Variants in NEUROD6 observed in about 807,000 individuals in gnomAD.
The protein encoded by NEUROD6 is neurogenic differentiation factor 6.
In NEUROD6, 5 loss-of-function variants were observed where a neutral mutation model predicts 24.1. That is an observed-to-expected ratio of 0.21 (90% confidence interval 0.11 to 0.44). NEUROD6 has a LOEUF of 0.44. NEUROD6 is among the 20% of genes least tolerant of loss of function. NEUROD6 has a pLI of 0.99. For synonymous variants in NEUROD6, 182 were observed against 154.1 expected, an observed-to-expected ratio of 1.18 and a Z score of -1.34; for missense variants, 325 against 409.5, an observed-to-expected ratio of 0.79 and a Z score of 1.78.
At chr7:31,339,916 C>T (rs1174327003) in intron 1 of NEUROD6, among the ~76,000 whole-genome samples, 1 of 152,036 alleles carries the variant, frequency 6.6e-6, no homozygotes, top group Admixed American at 6.5e-5. Flanking sequence ...TGTAAAAGGG[C>T]ACTATTTTCC....
At position 31,338,680 on chromosome 7, in the gene NEUROD6, C is replaced by T; in HGVS notation, c.589G>A (p.Ala197Thr). The T allele has an allele frequency of 6.2e-7, 1 of 1,614,014 alleles. No homozygotes were observed. The highest frequency in any genetic ancestry group is 1.1e-5 in the South Asian group (1 of 91,068). Reference sequence around the variant, plus strand: ...GAGTAGGGTGACCTTGTGTGGTGTGCAGCCTCCCCACCCTGACCCATCAGG... The same window carrying T: ...GAGTAGGGTGACCTTGTGTGGTGTGTAGCCTCCCCACCCTGACCCATCAGG... ...SFLMGQGGEA[A>T]HHTRSPYSTF... Residue 197 changes from alanine to threonine, a missense_variant, in exon 2 of 2, where the codon GCA becomes ACA. Physicochemically the swap from Ala to Thr is moderately conservative, Grantham distance 58 (BLOSUM62 0). This residue lies in a region of NEUROD6 where 175 missense variants were observed against 201.3 expected (regional missense o/e 0.87). Coordinates refer to ENST00000297142, the MANE Select transcript of NEUROD6 (RefSeq NM_022728.4). This position sits in a 1 kb window ranked among gnomAD's most constrained non-coding sequence, Gnocchi z 5.1.
intron 1 of NEUROD6, 30 bp from the exon 2 acceptor site, chr7:31,339,319 A>G (rs2233404): frequency 0.34 from 511,388 of 1,506,784 alleles, 90,061 homozygotes; most frequent in Middle Eastern, 0.47. Context: ...ATATTTAAAG[A>G]GTTTTCATTT....
Position 31,338,281 on chromosome 7 carries a change from C to T in NEUROD6, c.988G>A (p.Glu330Lys). The T allele has an allele frequency of 1.9e-6, 3 of 1,612,934 alleles. No homozygotes were observed. Among genetic ancestry groups the T allele is most frequent in the Non-Finnish European group, 2.5e-6 (3 of 1,179,124 alleles). The change falls in exon 2 of 2, where the codon GAA (glutamate) becomes AAA (lysine). Residue 330 changes from glutamate (E) to lysine (K), a missense_variant. Glu to Lys is a moderately conservative substitution (Grantham distance 56). Coordinates refer to ENST00000297142, the MANE Select transcript of NEUROD6 (RefSeq NM_022728.4). The surrounding 1 kb of genome is among the most constrained non-coding windows in gnomAD (Gnocchi z 5.1). ...TAATTATGAAAAACTGCATTTAATTCATCTTGCATTGTGAGAGATTGGCTG... is the reference window on the plus strand; with the variant it reads ...TAATTATGAAAAACTGCATTTAATTTATCTTGCATTGTGAGAGATTGGCTG... ...LRSQSLTMQD[E>K]LNAVFHN
chr7:31,338,243 T>C lies in NEUROD6; in HGVS notation c.*12A>G. ...GGAGGTGAATGACCACTGTTTATTT[T>C]CATTTTCCTCATTAATTATGAAAAA... On this transcript the variant is annotated 3_prime_UTR_variant, in exon 2 of 2. Coordinates refer to ENST00000297142, the MANE Select transcript of NEUROD6 (RefSeq NM_022728.4). This position sits in a 1 kb window ranked among gnomAD's most constrained non-coding sequence, Gnocchi z 5.1. 6.2e-7 allele frequency: 1 copy of C among 1,608,698 alleles called. No homozygotes were observed. Among genetic ancestry groups the C allele is most frequent in the Non-Finnish European group, 8.5e-7 (1 of 1,175,496 alleles).
rs1250574538 is a variant in NEUROD6, at chr7:31,338,609, T to C, written c.660A>G (p.Pro220=). The change falls in exon 2 of 2, where the codon CCA becomes CCG. Residue 220 remains proline (P), a synonymous_variant. Transcript: ENST00000297142. The surrounding 1 kb of genome is among the most constrained non-coding windows in gnomAD (Gnocchi z 5.1). ...TGGAATTATCAAGAGTCCCATGCCC[T>C]GGGGGAGTGGTGAGCTCAGGGCTGT... ...PYHSPELTTP[P]GHGTLDNSKS... The C allele has an allele frequency of 6.2e-7, 1 of 1,613,992 alleles. No homozygotes were observed. Among genetic ancestry groups the C allele is most frequent in the South Asian group, 1.1e-5 (1 of 91,068 alleles).
chr7:31,338,341 T>A lies in NEUROD6; in HGVS notation c.928A>T (p.Thr310Ser). The A allele has an allele frequency of 1.2e-6, 2 of 1,614,186 alleles. No homozygotes were observed. The highest frequency in any genetic ancestry group is 1.7e-6 in the Non-Finnish European group (2 of 1,180,030). The change falls in exon 2 of 2, where the codon ACC becomes TCC. Residue 310 changes from threonine (T) to serine (S), a missense_variant. Physicochemically the swap from Thr to Ser is moderately conservative, Grantham distance 58. Transcript: ENST00000297142. This position sits in a 1 kb window ranked among gnomAD's most constrained non-coding sequence, Gnocchi z 5.1. ...LGQGAMFRLP[T>S]DSHFPYDLHL... ...AAGTCGTAAGGGAAGTGGCTGTCGG[T>A]GGGCAACCTGAACATGGCACCCTGC...
chr7:31,339,308 A>G lies in NEUROD6; in HGVS notation c.-21-19T>C, dbSNP rs1783100523. ...AAATTACCTGAAAAAATGCCAGCAC[A>G]ATATTTAAAGAGTTTTCATTTTTAA... On this transcript the variant is annotated intron_variant, in intron 1 of 1. Coordinates refer to ENST00000297142, the MANE Select transcript of NEUROD6 (RefSeq NM_022728.4). 1.9e-6 allele frequency: 3 copies of G among 1,544,038 alleles called. No individual in the cohort carries two copies. The highest frequency in any genetic ancestry group is 2.6e-6 in the Non-Finnish European group (3 of 1,150,484).
Position 31,338,437 on chromosome 7 carries a change from T to C in NEUROD6, c.832A>G (p.Thr278Ala). ...NGIFSLKQEE[T>A]LDYGKNYNYG... ...TTGTAATTTTTACCATAGTCCAAGG[T>C]TTCTTCTTGCTTCAGGGAAAATATC... Residue 278 changes from threonine (T) to alanine (A), a missense_variant, in exon 2 of 2, where the codon ACC (threonine) becomes GCC (alanine). Thr to Ala is a moderately conservative substitution (Grantham distance 58). This residue lies in a region of NEUROD6 where 175 missense variants were observed against 201.3 expected (regional missense o/e 0.87). Transcript: ENST00000297142. This position sits in a 1 kb window ranked among gnomAD's most constrained non-coding sequence, Gnocchi z 5.1. The C allele has an allele frequency of 6.2e-7, 1 of 1,614,026 alleles. No individual in the cohort carries two copies. Among genetic ancestry groups the C allele is most frequent in the Non-Finnish European group, 8.5e-7 (1 of 1,179,988 alleles).
rs1451088527 is a variant in NEUROD6 at position 31,338,927 on chromosome 7, C to T, written c.342G>A (p.Leu114=). Residue 114 remains leucine, a synonymous_variant, in exon 2 of 2, where the codon CTG becomes CTA. Coordinates refer to ENST00000297142, the MANE Select transcript of NEUROD6 (RefSeq NM_022728.4). The surrounding 1 kb of genome is among the most constrained non-coding windows in gnomAD (Gnocchi z 5.1). ...RNRMHGLNDA[L]DNLRKVVPCY... ...AGGGGACCACTTTTCTTAAGTTGTC[C>T]AGAGCGTCGTTGAGGCCGTGCATCC... 6.2e-7 allele frequency: 1 copy of T among 1,614,122 alleles called. No individual in the cohort carries two copies. Among genetic ancestry groups the T allele is most frequent in the Non-Finnish European group, 8.5e-7 (1 of 1,180,044 alleles).
rs776661789 is a variant in NEUROD6 at position 31,339,254 on chromosome 7, C to T, written c.15G>A (p.Pro5=). The change falls in exon 2 of 2, where the codon CCG becomes CCA. Residue 5 remains proline (P), a synonymous_variant. Transcript: ENST00000297142. MLTL[P]FDESVVMPES... The stretch of plus-strand genomic sequence containing the variant: ...CTGGCATTACAACAGACTCATCAAA[C>T]GGTAGTGTTAACATGGTTCTCTAAT... The T allele has an allele frequency of 3.7e-6, 6 of 1,608,964 alleles. No individual in the cohort carries two copies. Among genetic ancestry groups the T allele is most frequent in the Non-Finnish European group, 5.1e-6 (6 of 1,178,178 alleles).
Position 31,338,559 on chromosome 7 carries a change from C to T in NEUROD6, c.710G>A (p.Cys237Tyr). ...TTCATAGAAGGATTCATACGCACTG[C>T]AATAATTGTAGGGTTTCATGGACTT... ...NSKSMKPYNY[C>Y]SAYESFYEST... The change falls in exon 2 of 2, where the codon TGC becomes TAC. Residue 237 changes from cysteine (C) to tyrosine (Y), a missense_variant. By Grantham distance (194) the Cys-to-Tyr change is radical. Coordinates refer to ENST00000297142, the MANE Select transcript of NEUROD6 (RefSeq NM_022728.4). This position sits in a 1 kb window ranked among gnomAD's most constrained non-coding sequence, Gnocchi z 5.1. The T allele has an allele frequency of 1.2e-6, 2 of 1,614,114 alleles. No individual in the cohort carries two copies. The highest frequency in any genetic ancestry group is 1.7e-6 in the Non-Finnish European group (2 of 1,180,012).
chr7:31,340,168 G>T (rs1783107899), intron 1 of NEUROD6, among the ~76,000 whole-genome samples: 1 of 152,136 alleles, frequency 6.6e-6, no homozygotes, highest in Non-Finnish European at 1.5e-5. Flanking sequence ...GCTAATATCT[G>T]ACAGGAACGG....
Position 31,338,330 on chromosome 7 carries a change from G to C in NEUROD6, c.939C>G (p.His313Gln). 6.2e-7 allele frequency: 1 copy of C among 1,614,174 alleles called. No individual in the cohort carries two copies. The highest frequency in any genetic ancestry group is 8.5e-7 in the Non-Finnish European group (1 of 1,180,024). Residue 313 changes from histidine to glutamine, a missense_variant, in exon 2 of 2, where the codon CAC (histidine) becomes CAG (glutamine). His to Gln is a conservative substitution (Grantham distance 24). This residue lies in a region of NEUROD6 where 175 missense variants were observed against 201.3 expected (regional missense o/e 0.87). Coordinates refer to ENST00000297142, the MANE Select transcript of NEUROD6 (RefSeq NM_022728.4). This position sits in a 1 kb window ranked among gnomAD's most constrained non-coding sequence, Gnocchi z 5.1. Reference sequence around the variant, plus strand: ...TGCGCAGATGTAAGTCGTAAGGGAAGTGGCTGTCGGTGGGCAACCTGAACA... The same window carrying C: ...TGCGCAGATGTAAGTCGTAAGGGAACTGGCTGTCGGTGGGCAACCTGAACA... ...GAMFRLPTDSHFPYDLHLRSQ... is the reference protein window; with the variant it reads ...GAMFRLPTDSQFPYDLHLRSQ...
Position 31,339,389 on chromosome 7 carries a change from T to G in NEUROD6, c.-21-100A>C. On this transcript the variant is annotated intron_variant, in intron 1 of 1. Transcript: ENST00000297142. The stretch of plus-strand genomic sequence containing the variant: ...TTAATCATAAGATTACAAAAACACG[T>G]GAAAAAGACTGATTCTGGGCCTGAT... 5 of 930,136 alleles carry G rather than the reference T, an allele frequency of 5.4e-6. 1 individual carries two copies. In the South Asian group the frequency reaches 1.3e-4, roughly 23 times the overall value. The allele number at this position is 930,136 out of a possible 1,614,324, so 57.6% of individuals were successfully genotyped here.
At chr7:31,339,355 T>A in intron 1 of NEUROD6, 66 bp from the exon 2 acceptor site, 1 of 1,200,066 alleles carries the variant, frequency 8.3e-7, no homozygotes. Context: ...TTAAAACATA[T>A]TTAATTATTT....
Position 31,338,252 on chromosome 7 carries a change from T to TC in NEUROD6, c.*2dup, listed in dbSNP as rs764943933. On this transcript the variant is annotated 3_prime_UTR_variant, in exon 2 of 2. Coordinates refer to ENST00000297142, the MANE Select transcript of NEUROD6 (RefSeq NM_022728.4). The surrounding 1 kb of genome is among the most constrained non-coding windows in gnomAD (Gnocchi z 5.1). Reference sequence around the variant, plus strand: ...TGACCACTGTTTATTTTCATTTTCCTCATTAATTATGAAAAACTGCATTTA... The same window carrying TC: ...TGACCACTGTTTATTTTCATTTTCCTCCATTAATTATGAAAAACTGCATTTA... 4 of 1,610,244 alleles carry TC rather than the reference T, an allele frequency of 2.5e-6. No individual in the cohort carries two copies. The African/African-American group carries it at 5.3e-5, about 22-fold the overall frequency.
chr7:31,338,469 T>C lies in NEUROD6; in HGVS notation c.800A>G (p.Tyr267Cys). ...EGPLSPPPIN[Y>C]NGIFSLKQEE... Reference sequence around the variant, plus strand: ...TTGCTTCAGGGAAAATATCCCATTATAGTTAATTGGGGGAGGACTTAAGGG... The same window carrying C: ...TTGCTTCAGGGAAAATATCCCATTACAGTTAATTGGGGGAGGACTTAAGGG... Residue 267 changes from tyrosine to cysteine, a missense_variant, in exon 2 of 2, where the codon TAT (tyrosine) becomes TGT (cysteine). Around this residue, in one of 3 missense-constraint regions of NEUROD6, gnomAD observed 175 missense variants for 201.3 expected, o/e 0.87. Coordinates refer to ENST00000297142, the MANE Select transcript of NEUROD6 (RefSeq NM_022728.4). This position sits in a 1 kb window ranked among gnomAD's most constrained non-coding sequence, Gnocchi z 5.1. The C allele has an allele frequency of 6.2e-7, 1 of 1,613,698 alleles. No homozygotes were observed. The highest frequency in any genetic ancestry group is 1.1e-5 in the South Asian group (1 of 91,072).
chr7:31,338,430 T>C lies in NEUROD6; in HGVS notation c.839A>G (p.Asp280Gly). ...IFSLKQEETL[D>G]YGKNYNYGMH... ...GCCGTAATTGTAATTTTTACCATAG[T>C]CCAAGGTTTCTTCTTGCTTCAGGGA... is the stretch of plus-strand genomic sequence containing the variant. The change falls in exon 2 of 2, where the codon GAC (aspartate) becomes GGC (glycine). Residue 280 changes from aspartate (D) to glycine (G), a missense_variant. Asp to Gly is a moderately conservative substitution (Grantham distance 94). Transcript: ENST00000297142. The surrounding 1 kb of genome is among the most constrained non-coding windows in gnomAD (Gnocchi z 5.1). The C allele has an allele frequency of 6.2e-7, 1 of 1,614,146 alleles. No homozygotes were observed. Among genetic ancestry groups the C allele is most frequent in the Non-Finnish European group, 8.5e-7 (1 of 1,180,024 alleles).
Position 31,339,140 on chromosome 7 carries a change from A to G in NEUROD6, c.129T>C (p.Leu43=). The change falls in exon 2 of 2, where the codon CTT becomes CTC. Residue 43 remains leucine, a synonymous_variant. Coordinates refer to ENST00000297142, the MANE Select transcript of NEUROD6 (RefSeq NM_022728.4). The stretch of plus-strand genomic sequence containing the variant: ...GGGCCCTTTTGATGCTCTTTCCTCG[A>G]AGGACAATCTGTTTGGAAAAGCTTT... The part of the protein sequence containing the change: ...KPESFSKQIV[L]RGKSIKRAPG... The G allele has an allele frequency of 6.2e-7, 1 of 1,613,520 alleles. No homozygotes were observed. The highest frequency in any genetic ancestry group is 8.5e-7 in the Non-Finnish European group (1 of 1,179,942).
Sources: allele counts gnomAD v4.1 joint callset (sites outside exome capture counted in the v4.1 genomes callset), GRCh38; gene constraint gnomAD v4.1.1; regional missense constraint gnomAD v4.1.1; non-coding constraint Gnocchi (gnomAD v3.1); transcripts MANE v1.5; gene names NCBI Gene and HGNC (gene_info 2026-07-23, HGNC 2026-07-21).